The following RBM6 variants were observed in gnomAD, a reference collection of about 807,000 sequenced individuals.
RBM6 encodes RNA binding motif protein 6, also known as RNA-binding protein 6.
RBM6 carries 23 observed loss-of-function variants against 140.4 expected under a neutral mutation model. The observed-to-expected ratio is 0.16, with a 90% CI of 0.12 to 0.23. The LOEUF (loss-of-function observed/expected upper bound fraction) is 0.23. Among genes scored for constraint, RBM6 ranks in the 10% least tolerant of loss-of-function variants. RBM6 has a pLI of 1.00. For missense variants in RBM6, 1,139 were observed against 1,386.7 expected, an observed-to-expected ratio of 0.82 and a Z score of 2.84; for synonymous variants, 439 against 475.6, an observed-to-expected ratio of 0.92 and a Z score of 1.00.
At chr3:49,985,604 T>TTTTATG (rs1447664538) in intron 5 of RBM6, among the ~76,000 whole-genome samples, 3 of 152,028 alleles carry the variant, frequency 2.0e-5, no homozygotes, top group Non-Finnish European at 4.4e-5. Context: ...ATGAGTTTAT[T>TTTTATG]TTTATTTTTA....
intron 6 of RBM6, chr3:50,047,467 C>A: frequency 2.1e-6 from 1 of 469,730 alleles, no homozygotes; most frequent in Non-Finnish European, 2.8e-6. Flanking sequence ...ATGACTTGTC[C>A]AAAATGGAGA....
intron 6 of RBM6, among the ~76,000 whole-genome samples, chr3:50,043,242 G>A (rs199538437): frequency 3.3e-5 from 5 of 152,010 alleles, no homozygotes; most frequent in African/African-American, 7.2e-5. Flanking sequence ...CCAGCACTTC[G>A]GGAGGCCGAG....
At chr3:50,067,449 G>C (rs1221899411) in intron 17 of RBM6, among the ~76,000 whole-genome samples, 2 of 152,158 alleles carry the variant, frequency 1.3e-5, no homozygotes, top group Non-Finnish European at 2.9e-5. Context: ...TCTCATCTTA[G>C]CTGTGTCATT....
intron 2 of RBM6, 116 bp downstream of exon 2, chr3:49,962,801 T>A (rs2084341693): frequency 8.5e-7 from 1 of 1,176,552 alleles, no homozygotes; most frequent in Non-Finnish European, 1.2e-6. Context: ...TCTGATTTTT[T>A]AAAAATAGAA....
chr3:50,009,259 T>C lies in RBM6; in HGVS notation c.1557+9746T>C, dbSNP rs920653563. On this transcript the variant is annotated intron_variant, in intron 6 of 20. Coordinates refer to ENST00000266022, the MANE Select transcript of RBM6 (RefSeq NM_005777.3). Reference sequence around the variant, plus strand: ...GAATGAGTGCACAAGCATTCAGGCATGTGAGGGCAGAAGACCATGACCATA... The same window carrying C: ...GAATGAGTGCACAAGCATTCAGGCACGTGAGGGCAGAAGACCATGACCATA... Among the ~76,000 whole-genome samples the C allele has an allele frequency of 2.6e-5, 4 of 152,198 alleles. 1 individual carries two copies. In the South Asian group the frequency reaches 6.2e-4, roughly 24 times the overall value.
At chr3:50,026,037 T>C (rs1334523721) in intron 6 of RBM6, among the ~76,000 whole-genome samples, 6 of 151,730 alleles carry the variant, frequency 4.0e-5, no homozygotes, top group Non-Finnish European at 8.8e-5. Context: ...TGAACCAATA[T>C]CAGACCACTA....
intron 1 of RBM6, among the ~76,000 whole-genome samples, chr3:49,952,651 C>T (rs1327942573): frequency 6.6e-6 from 1 of 151,746 alleles, no homozygotes; most frequent in Non-Finnish European, 1.5e-5. Flanking sequence ...AGGCATGCAT[C>T]ACCACGCCAG....
intron 5 of RBM6, among the ~76,000 whole-genome samples, chr3:49,997,571 C>T (rs1453495156): frequency 6.6e-6 from 1 of 152,168 alleles, no homozygotes; most frequent in African/African-American, 2.4e-5. Flanking sequence ...GCTTTCCACA[C>T]ACCTGGGTAC....
chr3:50,031,533 A>G (rs1404164234), intron 6 of RBM6, among the ~76,000 whole-genome samples: 1 of 151,916 alleles, frequency 6.6e-6, no homozygotes, highest in East Asian at 1.9e-4. Context: ...TTGAACAATG[A>G]GAACACTTGG....
chr3:49,984,649 TC>T (rs1559552990), intron 5 of RBM6, among the ~76,000 whole-genome samples: 1 of 146,976 alleles, frequency 6.8e-6, no homozygotes, highest in African/African-American at 2.5e-5. Context: ...TCGCATCGCA[TC>T]GCATCGCATC....
chr3:50,072,927 C>T (rs929984682), intron 19 of RBM6, among the ~76,000 whole-genome samples: 1 of 152,190 alleles, frequency 6.6e-6, no homozygotes, highest in Non-Finnish European at 1.5e-5. Flanking sequence ...CCTTTCCAGT[C>T]ACCTTTTCTG....
At chr3:50,059,080 T>C (rs1315330510) in intron 10 of RBM6, among the ~76,000 whole-genome samples, 1 of 152,196 alleles carries the variant, frequency 6.6e-6, no homozygotes, top group Non-Finnish European at 1.5e-5. Flanking sequence ...GGTTCATTTT[T>C]TTCTTGTGTC....
rs539584428 is a variant in RBM6 at position 50,001,296 on chromosome 3, T to G, written c.1557+1783T>G. Among the ~76,000 whole-genome samples, 9 of 152,104 alleles carry G rather than the reference T, an allele frequency of 5.9e-5. No homozygotes were observed. In the East Asian group the frequency reaches 1.7e-3, roughly 29 times the overall value. ...CTGGGCAACACAGGGAGACCCCATC[T>G]CTACAAAAAATAAAAGTGAAAAAAT... On this transcript the variant is annotated intron_variant, in intron 6 of 20. Transcript: ENST00000266022.
At chr3:50,044,854 T>C (rs1196699368) in intron 6 of RBM6, among the ~76,000 whole-genome samples, 1 of 152,228 alleles carries the variant, frequency 6.6e-6, no homozygotes, top group Admixed American at 6.5e-5. Flanking sequence ...CCTATTCTTA[T>C]TAAACAATTG....
chr3:49,969,485 A>G (rs1261706403), intron 3 of RBM6, among the ~76,000 whole-genome samples: 3 of 146,990 alleles, frequency 2.0e-5, no homozygotes, highest in Non-Finnish European at 4.5e-5. Flanking sequence ...ATATGAATAT[A>G]TATGTATATA....
chr3:50,071,330 T>G (rs911626109), intron 19 of RBM6, among the ~76,000 whole-genome samples: 1 of 152,208 alleles, frequency 6.6e-6, no homozygotes, highest in Non-Finnish European at 1.5e-5. Context: ...TTGAACACCT[T>G]GCTAAGGCTT....
At chr3:50,037,305 G>A (rs971348448) in intron 6 of RBM6, among the ~76,000 whole-genome samples, 1 of 152,114 alleles carries the variant, frequency 6.6e-6, no homozygotes, top group Non-Finnish European at 1.5e-5. Context: ...GGAAGCTGAG[G>A]TGGGATGATT....
chr3:50,073,219 T>G (rs1019800014), intron 19 of RBM6, among the ~76,000 whole-genome samples: 14 of 152,232 alleles, frequency 9.2e-5, no homozygotes, highest in Non-Finnish European at 1.6e-4. Context: ...CTTAGTCTGT[T>G]TTATGATACC....
chr3:49,999,653 G>A, intron 6 of RBM6, 140 bp downstream of exon 6: 1 of 731,466 alleles, frequency 1.4e-6, no homozygotes, highest in Non-Finnish European at 2.3e-6. Context: ...CATCGGTTGT[G>A]AGGAAAATCT....
Sources: gnomAD v4.1 joint callset for allele counts (sites outside exome capture counted in the v4.1 genomes callset) on GRCh38, gnomAD v4.1.1 for gene constraint, MANE v1.5 for transcripts, NCBI Gene and HGNC (gene_info 2026-07-23, HGNC 2026-07-21) for gene names.